AFF3: variants seen among roughly 807,000 people sequenced by gnomAD.
The protein encoded by AFF3 is ALF transcription elongation factor 3, also known as AF4/FMR2 family member 3.
A neutral mutation model predicts 129.7 loss-of-function variants in AFF3; 32 were observed. The ratio of observed to expected loss-of-function variants is 0.25; its 90% confidence interval spans 0.19 to 0.33. The LOEUF (loss-of-function observed/expected upper bound fraction) is 0.33. Ranked by LOEUF, AFF3 falls within the 10% of genes least tolerant of loss-of-function variation. AFF3 has a pLI of 1.00. For synonymous variants in AFF3, 644 were observed against 635.4 expected (o/e 1.01, Z -0.20); for missense variants, 1,373 against 1,592.0 (o/e 0.86, Z 2.34).
At chr2:99,927,527 T>A (rs937023533) in intron 7 of AFF3, among the ~76,000 whole-genome samples, 2 of 151,990 alleles carry the variant, frequency 1.3e-5, no homozygotes, top group Non-Finnish European at 2.9e-5. Flanking sequence ...AGCTAAATGA[T>A]GAGAACACAT....
In AFF3 at chr2:99,672,413, T is replaced by A. The variant is rs1476667234; in HGVS notation, c.1143+125A>T. ...GACCCAACTGCATAGAAGCTCACAC[T>A]TAGCAGACAAAAGACCAGCAGCCTG... On this transcript the variant is annotated intron_variant, in intron 12 of 24. Coordinates refer to ENST00000672756, the MANE Select transcript of AFF3 (RefSeq NM_001386135.1). 4 of 822,602 alleles carry A rather than the reference T, an allele frequency of 4.9e-6. No homozygotes were observed. In the Admixed American group the frequency reaches 7.9e-5, roughly 16 times the overall value. The allele number at this position is 822,602 out of a possible 1,614,324, so 51.0% of individuals were successfully genotyped here. A position where few individuals can be genotyped will look rare whatever the true frequency, so the allele number is the denominator to read the frequency against.
chr2:99,599,373 C>A (rs1437289473), intron 14 of AFF3, among the ~76,000 whole-genome samples: 2 of 152,194 alleles, frequency 1.3e-5, no homozygotes, highest in African/African-American at 2.4e-5. Flanking sequence ...ATTCTCCTGC[C>A]TCAGGCTCCT....
intron 4 of AFF3, among the ~76,000 whole-genome samples, chr2:100,022,080 T>C (rs1573151478): frequency 6.6e-6 from 1 of 152,166 alleles, no homozygotes; most frequent in African/African-American, 2.4e-5. Flanking sequence ...TTATTTGAAT[T>C]CCACAGTTCT....
rs148659055 is a variant in AFF3, at chr2:99,794,228, A to G, written c.922-41927T>C. On this transcript the variant is annotated intron_variant, in intron 8 of 24. Transcript: ENST00000672756. ...CTGCTTCTTTTTCTTACAATTTTGG[A>G]ATGGATGCTTAACATTTTGGATGTT... 2.6e-5 allele frequency among the ~76,000 whole-genome samples: 4 copies of G among 152,224 alleles called. No homozygotes were observed. In the East Asian group the frequency reaches 7.7e-4, roughly 29 times the overall value.
At chr2:99,600,038 G>A (rs927152826) in intron 14 of AFF3, among the ~76,000 whole-genome samples, 2 of 152,170 alleles carry the variant, frequency 1.3e-5, no homozygotes, top group African/African-American at 4.8e-5. Context: ...AAATTATGCT[G>A]AAGGAATAAT....
chr2:100,123,338 T>C (rs1438249069), intron 2 of AFF3, among the ~76,000 whole-genome samples: 2 of 152,248 alleles, frequency 1.3e-5, no homozygotes, highest in Non-Finnish European at 2.9e-5. Flanking sequence ...ACAAACAATG[T>C]CTTGTTACAT....
intron 7 of AFF3, among the ~76,000 whole-genome samples, chr2:99,851,506 G>C (rs556264642): frequency 6.6e-6 from 1 of 152,258 alleles, no homozygotes; most frequent in South Asian, 2.1e-4. Flanking sequence ...CTCATACTCC[G>C]AGCACTGTTT....
At chr2:99,551,648 C>A in intron 24 of AFF3, 53 bp from the exon 25 acceptor site, 1 of 1,607,552 alleles carries the variant, frequency 6.2e-7, no homozygotes. Flanking sequence ...GGTGTGCTAT[C>A]CTGAGCAACT....
At chr2:100,099,990 C>T (rs1221622316) in intron 4 of AFF3, among the ~76,000 whole-genome samples, 6 of 132,524 alleles carry the variant, frequency 4.5e-5, no homozygotes, top group African/African-American at 1.2e-4. Flanking sequence ...CCTGATGGTA[C>T]CTCTCCTCTG....
intron 12 of AFF3, among the ~76,000 whole-genome samples, chr2:99,653,033 G>A (rs1404551476): frequency 6.6e-6 from 1 of 152,204 alleles, no homozygotes; most frequent in Non-Finnish European, 1.5e-5. Flanking sequence ...CATGGAGCCA[G>A]CGCAGAGCAT....
intron 11 of AFF3, among the ~76,000 whole-genome samples, chr2:99,716,890 AAATAT>A (rs1678450765): frequency 1.2e-5 from 1 of 85,958 alleles, no homozygotes; most frequent in South Asian, 5.5e-4. Flanking sequence ...CTCAAAAAAA[AAATAT>A]ATATATATAT....
intron 13 of AFF3, among the ~76,000 whole-genome samples, chr2:99,603,126 C>A (rs930574222): frequency 6.6e-6 from 1 of 152,184 alleles, no homozygotes; most frequent in African/African-American, 2.4e-5. Context: ...TCTTTTCCAG[C>A]CTGTTATTTG....
Position 100,042,524 on chromosome 2 carries a change from T to C in AFF3, c.54-33592A>G, listed in dbSNP as rs941908408. Among the ~76,000 whole-genome samples the C allele has an allele frequency of 1.5e-4, 23 of 152,272 alleles. No homozygotes were observed. The East Asian group carries it at 4.3e-3, about 28-fold the overall frequency. On this transcript the variant is annotated intron_variant, in intron 4 of 24. Coordinates refer to ENST00000672756, the MANE Select transcript of AFF3 (RefSeq NM_001386135.1). ...GATGAATGCTGTGCTAGAAGGTGGA[T>C]AAAGCAAGTTACAGACATGGCAGCC...
intron 8 of AFF3, among the ~76,000 whole-genome samples, chr2:99,833,489 A>G (rs1325050271): frequency 6.6e-6 from 1 of 152,220 alleles, no homozygotes; most frequent in Non-Finnish European, 1.5e-5. Context: ...CTCAGATGTT[A>G]CACTGAAATT....
intron 8 of AFF3, among the ~76,000 whole-genome samples, chr2:99,764,654 T>C (rs1380127263): frequency 1.3e-5 from 2 of 152,236 alleles, no homozygotes; most frequent in African/African-American, 2.4e-5. Context: ...AGATTGTTCT[T>C]AGAACTGAGC....
chr2:99,834,580 T>C (rs1365728817), intron 8 of AFF3, among the ~76,000 whole-genome samples: 4 of 152,204 alleles, frequency 2.6e-5, no homozygotes, highest in African/African-American at 7.2e-5. Context: ...CTGCCCCCTC[T>C]ACTCCACCAA....
intron 17 of AFF3, among the ~76,000 whole-genome samples, chr2:99,581,357 T>C (rs1372977745): frequency 6.6e-6 from 1 of 152,148 alleles, no homozygotes; most frequent in African/African-American, 2.4e-5. Context: ...AGACCACTGC[T>C]CCCAAGTGAG....
At chr2:99,854,136 T>C (rs1350289762) in intron 7 of AFF3, among the ~76,000 whole-genome samples, 1 of 152,098 alleles carries the variant, frequency 6.6e-6, no homozygotes, top group Non-Finnish European at 1.5e-5. Flanking sequence ...AAGGTGATGA[T>C]TAGTTTAGAA....
intron 8 of AFF3, among the ~76,000 whole-genome samples, chr2:99,828,977 A>G (rs1374211754): frequency 6.6e-6 from 1 of 152,196 alleles, no homozygotes; most frequent in Admixed American, 6.5e-5. Context: ...ACTTAATGTC[A>G]TCAATAGGGT....
Sources: gnomAD v4.1 joint callset for allele counts (sites outside exome capture counted in the v4.1 genomes callset) on GRCh38, gnomAD v4.1.1 for gene constraint, MANE v1.5 for transcripts, NCBI Gene and HGNC (gene_info 2026-07-23, HGNC 2026-07-21) for gene names.